Variants in ARHGAP45 observed in about 807,000 individuals in gnomAD.
ARHGAP45 encodes the protein Rho GTPase activating protein 45, also known as rho GTPase-activating protein 45.
A neutral mutation model predicts 116.1 loss-of-function variants in ARHGAP45; 56 were observed. That is an observed-to-expected ratio of 0.48 (90% CI 0.39 to 0.60). The LOEUF (loss-of-function observed/expected upper bound fraction) is 0.60, where lower values mean the gene tolerates loss of function less well. ARHGAP45 is among the 20% of genes least tolerant of loss of function. The pLI is 0.00. For missense variants in ARHGAP45, 1,622 were observed against 1,601.0 expected (o/e 1.01, Z -0.22); for synonymous variants, 866 against 701.7 (o/e 1.23, Z -3.70).
At chr19:1,082,436 G>T in intron 19 of ARHGAP45, 1 of 325,766 alleles carries the variant, frequency 3.1e-6, no homozygotes. Flanking sequence ...CTGGGGCCAG[G>T]GGCGTGGTCA....
In ARHGAP45 at chr19:1,081,561, C is replaced by T. The variant is rs766255506; in HGVS notation, c.2202C>T (p.Ala734=). The change falls in exon 18 of 23, where the codon GCC becomes GCT. Residue 734 remains alanine, a synonymous_variant. Transcript: ENST00000313093. ...CTGGCCGCCCCCAGTGCTGCCTGGC[C>T]TGCCACAAGAAATGTCTGGAGACGC... ...QGAECEECCL[A]CHKKCLETLA... 8 of 1,484,496 alleles carry T rather than the reference C, an allele frequency of 5.4e-6. No individual in the cohort carries two copies. The South Asian group carries it at 8.2e-5, about 15-fold the overall frequency. The allele number at this position is 1,484,496 out of a possible 1,614,324, so 92.0% of individuals were successfully genotyped here.
At position 1,082,705 on chromosome 19, in the gene ARHGAP45, G is replaced by A. The variant is rs901295635; in HGVS notation, c.2518-135G>A. On this transcript the variant is annotated intron_variant, in intron 19 of 22. Transcript: ENST00000313093. ...TGGGCTGGGAAAGGGGACTGACGCC[G>A]CTCTGGGTGGAACCCGAGCTCGGTG... 1.7e-5 allele frequency: 13 copies of A among 752,206 alleles called. No individual in the cohort carries two copies. The South Asian group carries it at 2.2e-4, about 13-fold the overall frequency. 46.6% of individuals were successfully genotyped at this position (752,206 alleles called of 1,614,324 possible).
rs749918767 is a variant in ARHGAP45 at position 1,067,375 on chromosome 19, G to A, written c.-31G>A. On this transcript the variant is annotated 5_prime_UTR_variant, in exon 1 of 23. Coordinates refer to ENST00000313093, the MANE Select transcript of ARHGAP45 (RefSeq NM_012292.5). ...GCTGCAGCGCTGAGACCCCCAGCCC[G>A]CCCCCTCGGGCTCCCGGCCGGGGCC... 3.9e-6 allele frequency: 6 copies of A among 1,534,920 alleles called. No homozygotes were observed. Among genetic ancestry groups the A allele is most frequent in the Non-Finnish European group, 5.2e-6 (6 of 1,143,438 alleles).
chr19:1,086,189 T>C lies in ARHGAP45; in HGVS notation c.*183T>C. On this transcript the variant is annotated 3_prime_UTR_variant, in exon 23 of 23. Coordinates refer to ENST00000313093, the MANE Select transcript of ARHGAP45 (RefSeq NM_012292.5). ...GAGGCTTCCAGGAGCACGAGGGCCT[T>C]GCGGCACAGGACTGTGCCCTGTGCT... 1 of 604,458 alleles carries C rather than the reference T, an allele frequency of 1.7e-6. No individual in the cohort carries two copies. The highest frequency in any genetic ancestry group is 2.9e-6 in the Non-Finnish European group (1 of 341,206). The allele number at this position is 604,458 out of a possible 1,614,324, so 37.4% of individuals were successfully genotyped here. A position where few individuals can be genotyped will look rare whatever the true frequency, so the allele number is the denominator to read the frequency against.
Position 1,086,296 on chromosome 19 carries a change from C to A in ARHGAP45, c.*290C>A, listed in dbSNP as rs936884534. 7 of 385,998 alleles carry A rather than the reference C, an allele frequency of 1.8e-5. No individual in the cohort carries two copies. Among genetic ancestry groups the A allele is most frequent in the Non-Finnish European group, 2.4e-5 (5 of 209,014 alleles). 23.9% of individuals were successfully genotyped at this position (385,998 alleles called of 1,614,324 possible). A position where few individuals can be genotyped will look rare whatever the true frequency, so the allele number is the denominator to read the frequency against. The stretch of plus-strand genomic sequence containing the variant: ...AGTGGCCTTGTTGGTGCCCACAGGG[C>A]TGTGTGGATGGAGGAAGCTGTCCCT... On this transcript the variant is annotated 3_prime_UTR_variant, in exon 23 of 23. Transcript: ENST00000313093.
chr19:1,070,390 G>A (rs185413865), intron 2 of ARHGAP45, among the ~76,000 whole-genome samples: 3 of 145,442 alleles, frequency 2.1e-5, no homozygotes, highest in Non-Finnish European at 4.5e-5. Context: ...GAGTGCAGGG[G>A]CGAGATCTCA....
chr19:1,082,991 G>A lies in ARHGAP45; in HGVS notation c.2669G>A (p.Arg890Gln), dbSNP rs1460482175. ...GCAGTGGCGGTGGCCCTGGCAGGTC[G>A]GCTGCGGGAGCTCCTGCGGGACCTG... ...SEAVAVALAGRLRELLRDLPP... is the reference protein window; with the variant it reads ...SEAVAVALAGQLRELLRDLPP... The change falls in exon 20 of 23, where the codon CGG becomes CAG. Residue 890 changes from arginine (R) to glutamine (Q), a missense_variant. Physicochemically the swap from Arg to Gln is conservative, Grantham distance 43 (BLOSUM62 1). Around this residue, in one of 3 missense-constraint regions of ARHGAP45, gnomAD observed 1,334 missense variants for 1,263.8 expected, o/e 1.06. Coordinates refer to ENST00000313093, the MANE Select transcript of ARHGAP45 (RefSeq NM_012292.5). 5 of 1,549,340 alleles carry A rather than the reference G, an allele frequency of 3.2e-6. No individual in the cohort carries two copies. Among genetic ancestry groups the A allele is most frequent in the Non-Finnish European group, 4.3e-6 (5 of 1,152,182 alleles).
chr19:1,080,976 G>GTA lies in ARHGAP45; in HGVS notation c.2103_2104dup (p.Thr702IlefsTer101). The GTA allele has an allele frequency of 6.2e-7, 1 of 1,607,966 alleles. No homozygotes were observed. The highest frequency in any genetic ancestry group is 8.5e-7 in the Non-Finnish European group (1 of 1,178,038). On this transcript the variant is annotated frameshift_variant, in exon 17 of 23. Transcript: ENST00000313093. LOFTEE classifies it high-confidence loss of function. ...CACGAGGGGCTGTCCAAGGCGGCCC[G>GTA]TACTCACCGGCTCCGGAAGCTCCGC...
At chr19:1,082,689 A>G (rs1162488664) in intron 19 of ARHGAP45, 151 bp from the exon 20 acceptor site, 2 of 640,316 alleles carry the variant, frequency 3.1e-6, no homozygotes, top group Non-Finnish European at 5.1e-6. Flanking sequence ...CTGGGCTGGG[A>G]AAGGGGACTG....
chr19:1,082,485 C>T (rs955717017), intron 19 of ARHGAP45: 10 of 364,040 alleles, frequency 2.7e-5, no homozygotes, highest in Non-Finnish European at 4.0e-5. Flanking sequence ...GGGGCGTGGT[C>T]ATGTCTGGGG....
Position 1,080,672 on chromosome 19 carries a change from T to TCC in ARHGAP45, c.1913-8_1913-7dup, listed in dbSNP as rs1224447262. ...CTGGGGGAGTCTGAACAGTCCTGATTCCCGCCCAGGGGACTTTAAGAAGTT... is the reference window on the plus strand; with the variant it reads ...CTGGGGGAGTCTGAACAGTCCTGATTCCCCCGCCCAGGGGACTTTAAGAAGTT... On this transcript the variant is annotated splice_polypyrimidine_tract_variant and intron_variant, in intron 15 of 22. Transcript: ENST00000313093. The TCC allele has an allele frequency of 4.3e-6, 7 of 1,612,594 alleles. No homozygotes were observed. Among genetic ancestry groups the TCC allele is most frequent in the Non-Finnish European group, 5.9e-6 (7 of 1,179,504 alleles).
chr19:1,082,446 A>G (rs867773580), intron 19 of ARHGAP45: 30 of 279,512 alleles, frequency 1.1e-4, no homozygotes, highest in African/African-American at 6.7e-4. Flanking sequence ...GGGCGTGGTC[A>G]TCCCCGGGGA....
Position 1,067,417 on chromosome 19 carries a change from G to A in ARHGAP45, c.12G>A (p.Arg4=). Residue 4 remains arginine, a synonymous_variant, in exon 1 of 23, where the codon AGG becomes AGA. Coordinates refer to ENST00000313093, the MANE Select transcript of ARHGAP45 (RefSeq NM_012292.5). ...GCCGGGGCCCCATCATGTTCTCCAGGAAGAAACGAGAGCTCATGAAAACCC... is the reference window on the plus strand; with the variant it reads ...GCCGGGGCCCCATCATGTTCTCCAGAAAGAAACGAGAGCTCATGAAAACCC... MFS[R]KKRELMKTPS... The A allele has an allele frequency of 1.3e-6, 2 of 1,595,936 alleles. No individual in the cohort carries two copies. Among genetic ancestry groups the A allele is most frequent in the Non-Finnish European group, 1.7e-6 (2 of 1,172,054 alleles).
chr19:1,085,791 G>A lies in ARHGAP45; in HGVS notation c.3196G>A (p.Val1066Met). The A allele has an allele frequency of 6.2e-7, 1 of 1,612,842 alleles. No homozygotes were observed. Among genetic ancestry groups the A allele is most frequent in the Non-Finnish European group, 8.5e-7 (1 of 1,179,894 alleles). Residue 1066 changes from valine to methionine, a missense_variant, in exon 23 of 23, where the codon GTG becomes ATG. Transcript: ENST00000313093. ...GCAGCAGAGCGAGGCCAGCCTAGAGGTGGCTTCTGGCAGCCACAGCGGCAG... is the reference window on the plus strand; with the variant it reads ...GCAGCAGAGCGAGGCCAGCCTAGAGATGGCTTCTGGCAGCCACAGCGGCAG... ...EQQQSEASLE[V>M]ASGSHSGSEE...
chr19:1,084,660 G>C (rs1011850442), intron 22 of ARHGAP45, among the ~76,000 whole-genome samples: 1 of 152,180 alleles, frequency 6.6e-6, no homozygotes, highest in African/African-American at 2.4e-5. Context: ...GCAGGAGCCC[G>C]TTTTTCTAGA....
At chr19:1,073,467 G>C in intron 3 of ARHGAP45, 39 bp from the exon 4 acceptor site, 1 of 1,599,864 alleles carries the variant, frequency 6.3e-7, no homozygotes, top group Non-Finnish European at 8.6e-7. Flanking sequence ...TCACCTCCCA[G>C]AGTGGGCCCA....
rs543384334 is a variant in ARHGAP45 at position 1,081,500 on chromosome 19, G to A, written c.2191-50G>A. On this transcript the variant is annotated intron_variant, in intron 17 of 22. Transcript: ENST00000313093. ...GTGGGGTGGAGCCGCTGGGGGCTGC[G>A]CTGAGCTGGGCGCCCCGGGGCTGGG... The A allele has an allele frequency of 2.2e-4, 314 of 1,435,120 alleles. 1 individual carries two copies. In the African/African-American group the frequency reaches 4.1e-3, roughly 19 times the overall value. 88.9% of individuals were successfully genotyped at this position (1,435,120 alleles called of 1,614,324 possible).
Position 1,074,366 on chromosome 19 carries a change from C to A in ARHGAP45, c.952C>A (p.Gln318Lys). Residue 318 changes from glutamine to lysine, a missense_variant, in exon 8 of 23, where the codon CAG becomes AAG. Around this residue, in one of 3 missense-constraint regions of ARHGAP45, gnomAD observed 1,334 missense variants for 1,263.8 expected, o/e 1.06. Transcript: ENST00000313093. The part of the protein sequence containing the change: ...TLEMEFAKGL[Q>K]KIAHNCRQSV... ...AGAGATGGAGTTTGCCAAGGGCCTG[C>A]AGAAGATCGCTCACAACTGCAGACA... 1 of 1,604,430 alleles carries A rather than the reference C, an allele frequency of 6.2e-7. No homozygotes were observed. Among genetic ancestry groups the A allele is most frequent in the South Asian group, 1.1e-5 (1 of 90,012 alleles).
Position 1,074,894 on chromosome 19 carries a change from CG to C in ARHGAP45, c.1185+20del. 3 of 53,910 alleles carry C rather than the reference CG, an allele frequency of 5.6e-5. No individual in the cohort carries two copies. The highest frequency in any genetic ancestry group is 1.1e-4 in the Non-Finnish European group (3 of 26,970). The allele number at this position is 53,910 out of a possible 1,614,324, so 3.3% of individuals were successfully genotyped here. A position where few individuals can be genotyped will look rare whatever the true frequency, so the allele number is the denominator to read the frequency against. On this transcript the variant is annotated intron_variant, in intron 10 of 22. Transcript: ENST00000313093. ...AGAGGAAGCTGGTGAGGCGGGCGGG[CG>C]GGGGCGGGCGGGGGCGGGCAGCGGG...
Sources: gnomAD v4.1 joint callset for allele counts (sites outside exome capture counted in the v4.1 genomes callset) on GRCh38, gnomAD v4.1.1 for gene constraint, gnomAD v4.1.1 regional missense constraint, MANE v1.5 for transcripts, NCBI Gene and HGNC (gene_info 2026-07-23, HGNC 2026-07-21) for gene names.